PLA2G7: variants seen among roughly 807,000 people sequenced by gnomAD.
The protein encoded by PLA2G7 is platelet-activating factor acetylhydrolase.
A neutral mutation model predicts 49.6 loss-of-function variants in PLA2G7; 63 were observed. The observed-to-expected ratio is 1.27, with a 90% confidence interval of 1.04 to 1.57. The LOEUF is 1.57. PLA2G7 is among the 40% of genes most tolerant of loss of function. The probability of loss-of-function intolerance (pLI) is 0.00; values close to 1 mark genes in which losing one functional copy is unlikely to be tolerated. For synonymous variants in PLA2G7, 193 were observed against 169.9 expected (o/e 1.14, Z -1.06); for missense variants, 596 against 521.2 (o/e 1.14, Z -1.40).
chr6:46,717,185 TC>T, intron 2 of PLA2G7, 89 bp from the exon 3 acceptor site: 1 of 1,186,736 alleles, frequency 8.4e-7, no homozygotes. Context: ...TCAAGTTACT[TC>T]CCATAGTTTC....
chr6:46,726,663 G>A (rs1277808540), intron 1 of PLA2G7, among the ~76,000 whole-genome samples: 1 of 148,152 alleles, frequency 6.7e-6, no homozygotes. Flanking sequence ...TTTTTTTTTT[G>A]GAGATGGAGT....
chr6:46,704,340 C>G lies in PLA2G7; in HGVS notation c.*220G>C, dbSNP rs1226869180. 1 of 539,522 alleles carries G rather than the reference C, an allele frequency of 1.9e-6. No individual in the cohort carries two copies. The allele number at this position is 539,522 out of a possible 1,614,324, so 33.4% of individuals were successfully genotyped here. A position where few individuals can be genotyped will look rare whatever the true frequency, so the allele number is the denominator to read the frequency against. ...ATGAATATTGTATACTGTATTCTTTCTTTACATCTAAAGGGAAAAAATTCT... is the reference window on the plus strand; with the variant it reads ...ATGAATATTGTATACTGTATTCTTTGTTTACATCTAAAGGGAAAAAATTCT... On this transcript the variant is annotated 3_prime_UTR_variant, in exon 12 of 12. Transcript: ENST00000274793.
At chr6:46,707,795 C>T (rs1764876142) in intron 10 of PLA2G7, among the ~76,000 whole-genome samples, 196 bp downstream of exon 10, 1 of 152,118 alleles carries the variant, frequency 6.6e-6, no homozygotes, top group Non-Finnish European at 1.5e-5. Flanking sequence ...AGTATATATA[C>T]TATATACGTT....
chr6:46,725,668 TATTAC>T (rs1765548634), intron 1 of PLA2G7, among the ~76,000 whole-genome samples: 1 of 152,228 alleles, frequency 6.6e-6, no homozygotes, highest in South Asian at 2.1e-4. Flanking sequence ...CTTATTTCAG[TATTAC>T]ATTTAATTAT....
chr6:46,725,944 C>T (rs1252978529), intron 1 of PLA2G7, among the ~76,000 whole-genome samples: 1 of 152,116 alleles, frequency 6.6e-6, no homozygotes, highest in Non-Finnish European at 1.5e-5. Flanking sequence ...AATGAAGACC[C>T]AAAGATACAG....
At position 46,709,329 on chromosome 6, in the gene PLA2G7, G is replaced by A. The variant is rs1352127460; in HGVS notation, c.867C>T (p.Phe289=). Residue 289 remains phenylalanine (F), a splice_region_variant and synonymous_variant, in exon 9 of 12, where the codon TTC becomes TTT. Coordinates refer to ENST00000274793, the MANE Select transcript of PLA2G7 (RefSeq NM_005084.4). ...VIQTLSEDQR[F]RCGIALDAWM... ...GCTTTACTATCTTATTTTCTTACCTGAATCTCTGATCTTCACTAAGAGTCT... is the reference window on the plus strand; with the variant it reads ...GCTTTACTATCTTATTTTCTTACCTAAATCTCTGATCTTCACTAAGAGTCT... 1.9e-6 allele frequency: 3 copies of A among 1,543,834 alleles called. No individual in the cohort carries two copies. Among genetic ancestry groups the A allele is most frequent in the Non-Finnish European group, 2.7e-6 (3 of 1,116,820 alleles).
At chr6:46,712,455 A>G (rs1765060240) in intron 5 of PLA2G7, 118 bp from the exon 6 acceptor site, 1 of 737,486 alleles carries the variant, frequency 1.4e-6, no homozygotes, top group South Asian at 1.4e-5. Context: ...CCTGGGGTGG[A>G]GTGGAGAGCT....
intron 10 of PLA2G7, among the ~76,000 whole-genome samples, chr6:46,705,831 T>A (rs1764802795): frequency 6.6e-6 from 1 of 152,246 alleles, no homozygotes; most frequent in African/African-American, 2.4e-5. Context: ...ATCAATAGCC[T>A]AACGTCAAAT....
At chr6:46,731,184 G>A (rs1026231513) in intron 1 of PLA2G7, among the ~76,000 whole-genome samples, 1 of 152,174 alleles carries the variant, frequency 6.6e-6, no homozygotes, top group African/African-American at 2.4e-5. Flanking sequence ...TCTCTGCGAA[G>A]AACGTCACTA....
chr6:46,732,368 TACACAC>T (rs59891486), intron 1 of PLA2G7, among the ~76,000 whole-genome samples: 14,074 of 140,744 alleles, frequency 0.1, 951 homozygotes, highest in African/African-American at 0.2. Flanking sequence ...AACACACACA[TACACAC>T]ACACACACAC....
chr6:46,733,132 T>TA (rs1296853750), intron 1 of PLA2G7, among the ~76,000 whole-genome samples: 2 of 152,182 alleles, frequency 1.3e-5, no homozygotes, highest in African/African-American at 4.8e-5. Flanking sequence ...GCTGCTCAGG[T>TA]ACCCAGTTAG....
intron 1 of PLA2G7, among the ~76,000 whole-genome samples, chr6:46,724,583 GC>G (rs1373129597): frequency 1.3e-5 from 2 of 152,244 alleles, no homozygotes; most frequent in Non-Finnish European, 2.9e-5. Flanking sequence ...GTTGGGCTGG[GC>G]CCATGGGGCT....
chr6:46,705,390 T>A, intron 10 of PLA2G7, 89 bp from the exon 11 acceptor site: 1 of 1,066,478 alleles, frequency 9.4e-7, no homozygotes, highest in Non-Finnish European at 1.4e-6. Context: ...CTGGTCTTGT[T>A]GGTCTGTTTA....
At chr6:46,723,137 T>C (rs969423729) in intron 1 of PLA2G7, among the ~76,000 whole-genome samples, 2 of 152,202 alleles carry the variant, frequency 1.3e-5, no homozygotes, top group Admixed American at 6.5e-5. Flanking sequence ...CATTGGATTG[T>C]AGAGCAGAGA....
Position 46,705,298 on chromosome 6 carries a change from A to G in PLA2G7, c.1044T>C (p.Gly348=), listed in dbSNP as rs201922752. ...AGTCAGCAAAATTCTGGTGGACTGA[A>G]CCCCTAAAAGAGAACAAGACATTTA... ...DKERKMITIR[G]SVHQNFADFT... The change falls in exon 11 of 12, where the codon GGT becomes GGC. Residue 348 remains glycine (G), a synonymous_variant. Coordinates refer to ENST00000274793, the MANE Select transcript of PLA2G7 (RefSeq NM_005084.4). The G allele has an allele frequency of 2.4e-5, 39 of 1,610,942 alleles. No individual in the cohort carries two copies. The highest frequency in any genetic ancestry group is 3.2e-5 in the Non-Finnish European group (38 of 1,177,532).
chr6:46,707,849 A>C (rs1582562883), intron 10 of PLA2G7, 142 bp downstream of exon 10: 1 of 612,462 alleles, frequency 1.6e-6, no homozygotes, highest in East Asian at 2.8e-5. Context: ...GTACTTAGAA[A>C]CTGAGATTAT....
chr6:46,717,050 G>T lies in PLA2G7; in HGVS notation c.156C>A (p.Gly52=). 8.7e-6 allele frequency: 14 copies of T among 1,613,542 alleles called. No individual in the cohort carries two copies. Among genetic ancestry groups the T allele is most frequent in the Non-Finnish European group, 1.2e-5 (14 of 1,179,486 alleles). The stretch of plus-strand genomic sequence containing the variant: ...CATTTCCCCGGGGGATTTTAGTTTG[G>T]CCAAAGCTTGCAGCAGCCATCAGTA... ...IQVLMAAASF[G]QTKIPRGNGP... The change falls in exon 3 of 12, where the codon GGC becomes GGA. Residue 52 remains glycine, a synonymous_variant. Coordinates refer to ENST00000274793, the MANE Select transcript of PLA2G7 (RefSeq NM_005084.4).
chr6:46,721,076 T>C (rs1582579718), intron 2 of PLA2G7, among the ~76,000 whole-genome samples: 1 of 152,344 alleles, frequency 6.6e-6, no homozygotes, highest in East Asian at 1.9e-4. Context: ...AGTCTCGCTC[T>C]GTAGCCCAGG....
chr6:46,726,935 A>G (rs1297638033), intron 1 of PLA2G7, among the ~76,000 whole-genome samples: 3 of 152,046 alleles, frequency 2.0e-5, no homozygotes, highest in African/African-American at 7.2e-5. Context: ...AGCCACCAAC[A>G]TTCTAAATCA....
Sources: gnomAD v4.1 joint callset for allele counts (sites outside exome capture counted in the v4.1 genomes callset) on GRCh38, gnomAD v4.1.1 for gene constraint, MANE v1.5 for transcripts, NCBI Gene and HGNC (gene_info 2026-07-23, HGNC 2026-07-21) for gene names.